HSPG2: variants seen among roughly 807,000 people sequenced by gnomAD.
HSPG2 encodes basement membrane-specific heparan sulfate proteoglycan core protein.
Under a neutral mutation model 526.6 loss-of-function variants are expected in HSPG2, and 278 were observed. The ratio of observed to expected loss-of-function variants is 0.53; its 90% CI spans 0.48 to 0.58. HSPG2 has a LOEUF of 0.58. Among genes scored for constraint, HSPG2 ranks in the 20% least tolerant of loss-of-function variants. HSPG2 has a pLI of 0.00. For synonymous variants in HSPG2, 2,465 were observed against 2,555.4 expected, an observed-to-expected ratio of 0.96 and a Z score of 1.07; for missense variants, 5,354 against 6,099.5, an observed-to-expected ratio of 0.88 and a Z score of 4.07.
At chr1:21,903,069 G>A (rs1411139054) in intron 1 of HSPG2, among the ~76,000 whole-genome samples, 2 of 152,172 alleles carry the variant, frequency 1.3e-5, no homozygotes, top group African/African-American at 4.8e-5. Context: ...GCCCTGAGGT[G>A]GAAATTAACC....
At chr1:21,918,330 T>C (rs1643938558) in intron 1 of HSPG2, among the ~76,000 whole-genome samples, 1 of 152,154 alleles carries the variant, frequency 6.6e-6, no homozygotes, top group South Asian at 2.1e-4. Context: ...CAGGGTGTGG[T>C]GGCGCACACC....
chr1:21,885,097 ACTGT>A lies in HSPG2; in HGVS notation c.1267_1270del (p.Thr423Ter). ...GCCAATGGCCACGCAGGTGAAGGTC[ACTGT>A]CTGGCCCCGGGAAGCCTGGATGGAC... is the stretch of plus-strand genomic sequence containing the variant. On this transcript the variant is annotated frameshift_variant, in exon 11 of 97. Coordinates refer to ENST00000374695, the MANE Select transcript of HSPG2 (RefSeq NM_005529.7). LOFTEE classifies it high-confidence loss of function. 6.2e-7 allele frequency: 1 copy of A among 1,613,524 alleles called. No homozygotes were observed. The highest frequency in any genetic ancestry group is 8.5e-7 in the Non-Finnish European group (1 of 1,179,880).
intron 17 of HSPG2, among the ~76,000 whole-genome samples, chr1:21,879,690 T>C (rs1043291057): frequency 6.6e-6 from 1 of 152,008 alleles, no homozygotes; most frequent in Non-Finnish European, 1.5e-5. Context: ...TCTTGCTCTG[T>C]TGCCCAGGCT....
rs1638999546 is a variant in HSPG2, at chr1:21,852,745, G to A, written c.6679C>T (p.Leu2227=). The A allele has an allele frequency of 6.2e-7, 1 of 1,613,308 alleles. No individual in the cohort carries two copies. Among genetic ancestry groups the A allele is most frequent in the South Asian group, 1.1e-5 (1 of 91,086 alleles). The stretch of plus-strand genomic sequence containing the variant: ...ATGGTGACCAGGACTGAGGCCTCTA[G>A]GGGGCCGGAGGTGCCCACCACATGG... ...VCHVVGTSGP[L]EASVLVTIEA... Residue 2227 remains leucine (L), a synonymous_variant, in exon 52 of 97, where the codon CTA becomes TTA. Coordinates refer to ENST00000374695, the MANE Select transcript of HSPG2 (RefSeq NM_005529.7).
chr1:21,849,851 T>A (rs1006417516), intron 57 of HSPG2, among the ~76,000 whole-genome samples, 190 bp downstream of exon 57: 1 of 152,130 alleles, frequency 6.6e-6, no homozygotes, highest in Non-Finnish European at 1.5e-5. Context: ...GGCTAATTTG[T>A]GGATTTTCAG....
intron 49 of HSPG2, 100 bp downstream of exon 49, chr1:21,854,511 G>C: frequency 6.9e-7 from 1 of 1,457,802 alleles, no homozygotes; most frequent in East Asian, 2.5e-5. Flanking sequence ...GGTGGAACGT[G>C]TGGGGCAGTG....
Position 21,857,382 on chromosome 1 carries a change from G to A in HSPG2, c.5297C>T (p.Ala1766Val), listed in dbSNP as rs139794766. The A allele has an allele frequency of 4.6e-4, 749 of 1,613,514 alleles. 1 individual carries two copies. The highest frequency in any genetic ancestry group is 3.6e-3 in the Middle Eastern group (22 of 6,058). ...TSRAELLVTEAPSKPITVTVE... is the reference protein window; with the variant it reads ...TSRAELLVTEVPSKPITVTVE... ...AGTCACTGTGATGGGCTTGCTTGGA[G>A]CCTCTGCAGGGACGGGAAGCCCCCC... The change falls in exon 43 of 97, where the codon GCT becomes GTT. Residue 1766 changes from alanine (A) to valine (V), a missense_variant. Physicochemically the swap from Ala to Val is moderately conservative, Grantham distance 64. Transcript: ENST00000374695.
In HSPG2 at chr1:21,890,664, C is replaced by T. The variant is rs554613529; in HGVS notation, c.275G>A (p.Arg92His). The change falls in exon 4 of 97, where the codon CGC (arginine) becomes CAC (histidine). Residue 92 changes from arginine (R) to histidine (H), a missense_variant. Coordinates refer to ENST00000374695, the MANE Select transcript of HSPG2 (RefSeq NM_005529.7). The surrounding 1 kb of genome is among the most constrained non-coding windows in gnomAD (Gnocchi z 4.1). The stretch of plus-strand genomic sequence containing the variant: ...CAGCTGAGGGCTGTACTCGATGGAG[C>T]GAGTGAAATTCACCAGGGCTCGGAA... Reference protein sequence around the residue: ...VYFRALVNFTRSIEYSPQLED... With the variant: ...VYFRALVNFTHSIEYSPQLED... 2.5e-5 allele frequency: 40 copies of T among 1,613,912 alleles called. No homozygotes were observed. Among genetic ancestry groups the T allele is most frequent in the East Asian group, 1.8e-4 (8 of 44,874 alleles).
At position 21,879,027 on chromosome 1, in the gene HSPG2, G is replaced by A. The variant is rs777491090; in HGVS notation, c.2438C>T (p.Pro813Leu). The part of the protein sequence containing the change: ...AMKATATSCR[P>L]CPCPYIDASR... ...GGCATCGATGTATGGGCAAGGGCAG[G>A]GCCGGCAGGAAGTGGCCGTGGCCTT... is the stretch of plus-strand genomic sequence containing the variant. The change falls in exon 18 of 97, where the codon CCC becomes CTC. Residue 813 changes from proline (P) to leucine (L), a missense_variant. Physicochemically the swap from Pro to Leu is moderately conservative, Grantham distance 98. Coordinates refer to ENST00000374695, the MANE Select transcript of HSPG2 (RefSeq NM_005529.7). The A allele has an allele frequency of 3.1e-6, 5 of 1,614,194 alleles. No individual in the cohort carries two copies. Among genetic ancestry groups the A allele is most frequent in the Non-Finnish European group, 4.2e-6 (5 of 1,180,048 alleles).
At chr1:21,867,666 T>A (rs962003693) in intron 33 of HSPG2, among the ~76,000 whole-genome samples, 1 of 152,150 alleles carries the variant, frequency 6.6e-6, no homozygotes, top group Non-Finnish European at 1.5e-5. Flanking sequence ...GCAGATTGCT[T>A]CTTATCCTCA....
Position 21,839,279 on chromosome 1 carries a change from G to T in HSPG2, c.9889+92C>A. 6.6e-7 allele frequency: 1 copy of T among 1,514,716 alleles called. No homozygotes were observed. The highest frequency in any genetic ancestry group is 1.1e-5 in the South Asian group (1 of 88,478). 93.8% of individuals were successfully genotyped at this position (1,514,716 alleles called of 1,614,324 possible). On this transcript the variant is annotated intron_variant, in intron 73 of 96. Transcript: ENST00000374695. This position sits in a 1 kb window ranked among gnomAD's most constrained non-coding sequence, Gnocchi z 4.5. The stretch of plus-strand genomic sequence containing the variant: ...GACCCTGCAGCGCCTGGAGACCTCT[G>T]GATGGGGTTCCTGGGGTTCTGTGTG...
intron 33 of HSPG2, among the ~76,000 whole-genome samples, chr1:21,871,085 G>A (rs919736477): frequency 2.0e-5 from 3 of 151,998 alleles, no homozygotes; most frequent in African/African-American, 2.4e-5. Flanking sequence ...GGGTGCCACC[G>A]GATGCCCGTG....
At position 21,864,322 on chromosome 1, in the gene HSPG2, C is replaced by G; in HGVS notation, c.4627-109G>C. 2.2e-6 allele frequency: 2 copies of G among 895,274 alleles called. No individual in the cohort carries two copies. The highest frequency in any genetic ancestry group is 2.9e-5 in the South Asian group (2 of 70,036). The allele number at this position is 895,274 out of a possible 1,614,324, so 55.5% of individuals were successfully genotyped here. A position where few individuals can be genotyped will look rare whatever the true frequency, so the allele number is the denominator to read the frequency against. On this transcript the variant is annotated intron_variant, in intron 36 of 96. Coordinates refer to ENST00000374695, the MANE Select transcript of HSPG2 (RefSeq NM_005529.7). The surrounding 1 kb of genome is among the most constrained non-coding windows in gnomAD (Gnocchi z 4.8). ...CCTCCCAGGGGTGACCCTGGAACAT[C>G]ACAGGCCGGCGCCCCTCCTTCCCCA...
chr1:21,884,513 C>T lies in HSPG2; in HGVS notation c.1654+15G>A, dbSNP rs886046043. ...CCTCCCACCTCCCGCAGCGCTCACC[C>T]GCCCGCCAACGCACCCTTGAAGTCA... On this transcript the variant is annotated intron_variant, in intron 13 of 96. Transcript: ENST00000374695. 2.5e-6 allele frequency: 4 copies of T among 1,610,968 alleles called. No homozygotes were observed. The highest frequency in any genetic ancestry group is 3.4e-6 in the Non-Finnish European group (4 of 1,179,834).
chr1:21,935,118 G>GC, intron 1 of HSPG2, among the ~76,000 whole-genome samples: 1 of 151,462 alleles, frequency 6.6e-6, no homozygotes, highest in East Asian at 1.9e-4. Flanking sequence ...TGTTGGCCAG[G>GC]CTGGTCTCAA....
rs1256891152 is a variant in HSPG2, at chr1:21,846,450, G to C, written c.8314C>G (p.Gln2772Glu). ...ACCATTTCCTGCCAGCTGCATACCT[G>C]ATGGTGACTGGGGAGGCTGCCCCCA... is the stretch of plus-strand genomic sequence containing the variant. ...KRGGSLPSHH[Q>E]TRGSRLRLHH... is the part of the protein sequence containing the mutation. The change falls in exon 63 of 97, where the codon CAG (glutamine) becomes GAG (glutamate). Residue 2772 changes from glutamine to glutamate, a missense_variant and splice_region_variant. Physicochemically the swap from Gln to Glu is conservative, Grantham distance 29. Transcript: ENST00000374695. 2 of 1,613,476 alleles carry C rather than the reference G, an allele frequency of 1.2e-6. No homozygotes were observed. The highest frequency in any genetic ancestry group is 2.2e-5 in the East Asian group (1 of 44,882).
chr1:21,869,243 G>T (rs1640470553), intron 33 of HSPG2, among the ~76,000 whole-genome samples: 1 of 152,214 alleles, frequency 6.6e-6, no homozygotes, highest in Non-Finnish European at 1.5e-5. Flanking sequence ...GTGGACCAAC[G>T]TTTACACAGC....
Position 21,831,295 on chromosome 1 carries a change from C to G in HSPG2, c.11482G>C (p.Glu3828Gln). The change falls in exon 84 of 97, where the codon GAG (glutamate) becomes CAG (glutamine). Residue 3828 changes from glutamate to glutamine, a missense_variant. Glu to Gln is a conservative substitution (Grantham distance 29, BLOSUM62 2). Coordinates refer to ENST00000374695, the MANE Select transcript of HSPG2 (RefSeq NM_005529.7). ...GCVRELRIQGEEIVFHDLNLT... is the reference protein window; with the variant it reads ...GCVRELRIQGQEIVFHDLNLT... ...TTGAGGTCATGGAAGACGATCTCCTCGCCCTGGATGCGCAGCTCCCGGACA... is the reference window on the plus strand; with the variant it reads ...TTGAGGTCATGGAAGACGATCTCCTGGCCCTGGATGCGCAGCTCCCGGACA... 6.2e-7 allele frequency: 1 copy of G among 1,614,062 alleles called. No homozygotes were observed. Among genetic ancestry groups the G allele is most frequent in the Non-Finnish European group, 8.5e-7 (1 of 1,179,974 alleles).
intron 1 of HSPG2, among the ~76,000 whole-genome samples, chr1:21,899,852 T>A (rs1172539754): frequency 6.6e-6 from 1 of 152,138 alleles, no homozygotes; most frequent in African/African-American, 2.4e-5. Context: ...CACCAGGAAA[T>A]GAGGCAGGGC....
Sources: gnomAD v4.1 joint callset for allele counts (sites outside exome capture counted in the v4.1 genomes callset) on GRCh38, gnomAD v4.1.1 for gene constraint, Gnocchi (gnomAD v3.1) non-coding constraint, MANE v1.5 for transcripts, NCBI Gene and HGNC (gene_info 2026-07-23, HGNC 2026-07-21) for gene names.